The following ACAP2 variants were observed in gnomAD, a reference collection of about 807,000 sequenced individuals.
ACAP2 encodes the protein ArfGAP with coiled-coil, ankyrin repeat and PH domains 2.
A neutral mutation model predicts 115.8 loss-of-function variants in ACAP2; 39 were observed. The observed-to-expected ratio is 0.34, with a 90% CI of 0.26 to 0.44. The LOEUF (loss-of-function observed/expected upper bound fraction) is 0.44. Among genes scored for constraint, ACAP2 ranks in the 20% least tolerant of loss-of-function variants. ACAP2 has a pLI of 1.00. For missense variants in ACAP2, 662 were observed against 927.6 expected (o/e 0.71, Z 3.72); for synonymous variants, 289 against 315.8 (o/e 0.92, Z 0.90).
At chr3:195,384,640 T>C (rs1207155127) in intron 2 of ACAP2, among the ~76,000 whole-genome samples, 1 of 151,998 alleles carries the variant, frequency 6.6e-6, no homozygotes, top group Non-Finnish European at 1.5e-5. Context: ...GGCAGGAGAA[T>C]TGCCTGAACC....
chr3:195,339,892 G>C (rs1577325304), intron 6 of ACAP2, among the ~76,000 whole-genome samples: 1 of 151,918 alleles, frequency 6.6e-6, no homozygotes, highest in Non-Finnish European at 1.5e-5. Flanking sequence ...CACTGGACTA[G>C]AGGCTAGGGA....
intron 22 of ACAP2, among the ~76,000 whole-genome samples, chr3:195,282,904 T>A (rs7622180): frequency 0.23 from 34,736 of 152,192 alleles, 4,688 homozygotes; most frequent in East Asian, 0.71. Flanking sequence ...GCAGTTATGA[T>A]GATTCAAGAG....
intron 15 of ACAP2, among the ~76,000 whole-genome samples, chr3:195,301,251 A>G (rs1332764142): frequency 6.6e-6 from 1 of 151,846 alleles, no homozygotes; most frequent in Non-Finnish European, 1.5e-5. Flanking sequence ...ACGCCTGGCT[A>G]ATTTTTTGTA....
intron 1 of ACAP2, among the ~76,000 whole-genome samples, chr3:195,398,089 C>T (rs1433273858): frequency 1.3e-5 from 2 of 152,132 alleles, no homozygotes; most frequent in African/African-American, 4.8e-5. Flanking sequence ...GACTGGAGTC[C>T]TCTCCTAACT....
At chr3:195,416,350 A>T (rs1408934067) in intron 1 of ACAP2, among the ~76,000 whole-genome samples, 40 of 152,190 alleles carry the variant, frequency 2.6e-4, no homozygotes, top group Admixed American at 2.6e-3. Flanking sequence ...GTCAAAAAAA[A>T]AAAAAAAATC....
intron 14 of ACAP2, 51 bp downstream of exon 14, chr3:195,301,915 A>G (rs1214428310): frequency 1.9e-6 from 3 of 1,574,832 alleles, no homozygotes; most frequent in Non-Finnish European, 2.6e-6. Context: ...AACCATTTCT[A>G]TCTGTGTTTA....
chr3:195,367,432 G>A (rs1219671295), intron 4 of ACAP2, among the ~76,000 whole-genome samples: 1 of 152,132 alleles, frequency 6.6e-6, no homozygotes, highest in African/African-American at 2.4e-5. Context: ...GGGGAATGGG[G>A]ATTAGTTGAC....
At chr3:195,430,605 C>A (rs1715042684) in intron 1 of ACAP2, among the ~76,000 whole-genome samples, 1 of 152,038 alleles carries the variant, frequency 6.6e-6, no homozygotes, top group African/African-American at 2.4e-5. Context: ...ATCCCAGCTA[C>A]TCGGGAGGCT....
intron 1 of ACAP2, among the ~76,000 whole-genome samples, chr3:195,398,100 T>C (rs1711958213): frequency 6.6e-6 from 1 of 152,072 alleles, no homozygotes; most frequent in African/African-American, 2.4e-5. Flanking sequence ...TCTCCTAACT[T>C]CCTAACTTCA....
rs111765169 is a variant in ACAP2, at chr3:195,436,473, TC to T, written c.53+6321del. Among the ~76,000 whole-genome samples, 33 of 152,224 alleles carry T rather than the reference TC, an allele frequency of 2.2e-4. 1 individual carries two copies. The highest frequency in any genetic ancestry group is 7.9e-4 in the African/African-American group (33 of 41,550). ...GCCTGTAGTAATTTTTGTCTTAAAG[TC>T]TATTTTATCTGATATTAGCACAGCC... is the stretch of plus-strand genomic sequence containing the variant. On this transcript the variant is annotated intron_variant, in intron 1 of 22. Coordinates refer to ENST00000326793, the MANE Select transcript of ACAP2 (RefSeq NM_012287.6).
intron 1 of ACAP2, among the ~76,000 whole-genome samples, chr3:195,404,269 C>T (rs1712553425): frequency 6.6e-6 from 1 of 151,848 alleles, no homozygotes; most frequent in Non-Finnish European, 1.5e-5. Flanking sequence ...CAAAAGCTGC[C>T]GACAGGTCAA....
At chr3:195,384,747 A>G (rs1577393365) in intron 2 of ACAP2, among the ~76,000 whole-genome samples, 1 of 152,186 alleles carries the variant, frequency 6.6e-6, no homozygotes, top group Non-Finnish European at 1.5e-5. Context: ...AAATTGCACA[A>G]GGGCGCAAGA....
chr3:195,379,423 G>T (rs1057115281), intron 4 of ACAP2, among the ~76,000 whole-genome samples: 1 of 151,970 alleles, frequency 6.6e-6, no homozygotes, highest in Non-Finnish European at 1.5e-5. Context: ...TACTGATAAG[G>T]GTTTAATATC....
chr3:195,281,966 G>T (rs1279109073), intron 22 of ACAP2, among the ~76,000 whole-genome samples: 3 of 152,118 alleles, frequency 2.0e-5, no homozygotes, highest in Non-Finnish European at 2.9e-5. Flanking sequence ...ATACCACAAA[G>T]ATTTTACCAT....
chr3:195,310,609 T>C (rs1158998677), intron 10 of ACAP2, among the ~76,000 whole-genome samples: 1 of 152,220 alleles, frequency 6.6e-6, no homozygotes, highest in Non-Finnish European at 1.5e-5. Context: ...GAACAACAAA[T>C]TATGTAAACT....
intron 2 of ACAP2, among the ~76,000 whole-genome samples, chr3:195,386,242 T>C (rs955114632): frequency 1.3e-5 from 2 of 152,150 alleles, no homozygotes; most frequent in South Asian, 2.1e-4. Flanking sequence ...AGAGGAGAAT[T>C]GGGAGTGACT....
intron 17 of ACAP2, chr3:195,295,382 T>C (rs1208358759): frequency 1.3e-6 from 1 of 794,512 alleles, no homozygotes; most frequent in Non-Finnish European, 1.8e-6. Context: ...GGGAAAAAAT[T>C]TAGGAGGAAA....
At chr3:195,433,113 A>G (rs1715264713) in intron 1 of ACAP2, among the ~76,000 whole-genome samples, 1 of 151,930 alleles carries the variant, frequency 6.6e-6, no homozygotes, top group East Asian at 1.9e-4. Flanking sequence ...TGCACTACCC[A>G]CTAATACCAA....
rs1382183009 is a variant in ACAP2 at position 195,301,564 on chromosome 3, A to T, written c.1395+11T>A. 23 of 1,582,680 alleles carry T rather than the reference A, an allele frequency of 1.5e-5. No individual in the cohort carries two copies. Among genetic ancestry groups the T allele is most frequent in the East Asian group, 4.5e-5 (2 of 44,738 alleles). On this transcript the variant is annotated intron_variant, in intron 15 of 22. Coordinates refer to ENST00000326793, the MANE Select transcript of ACAP2 (RefSeq NM_012287.6). ...AAATATGAAATATTTTAAAGCAAAA[A>T]TTTTTTTTACCTTTAAAAGTTCTGG...
Sources: gnomAD v4.1 joint callset for allele counts (sites outside exome capture counted in the v4.1 genomes callset) on GRCh38, gnomAD v4.1.1 for gene constraint, MANE v1.5 for transcripts, NCBI Gene and HGNC (gene_info 2026-07-23, HGNC 2026-07-21) for gene names.